The following TRA2A variants were observed in gnomAD, a reference collection of about 807,000 sequenced individuals.
TRA2A encodes transformer-2 protein homolog alpha.
A neutral mutation model predicts 45.7 loss-of-function variants in TRA2A; 31 were observed. The observed-to-expected ratio is 0.68, with a 90% CI of 0.51 to 0.92. TRA2A has a LOEUF of 0.92. Among genes scored for constraint, TRA2A ranks in the 40% least tolerant of loss-of-function variants. The probability of loss-of-function intolerance (pLI) is 0.00; values close to 1 mark genes in which losing one functional copy is unlikely to be tolerated. For synonymous variants in TRA2A, 132 were observed against 126.2 expected, an observed-to-expected ratio of 1.05 and a Z score of -0.31; for missense variants, 304 against 367.5, an observed-to-expected ratio of 0.83 and a Z score of 1.41.
Position 23,505,362 on chromosome 7 carries a change from C to A in TRA2A, c.*197G>T. 2.4e-6 allele frequency: 1 copy of A among 424,460 alleles called. No individual in the cohort carries two copies. The allele number at this position is 424,460 out of a possible 1,614,324, so 26.3% of individuals were successfully genotyped here. A position where few individuals can be genotyped will look rare whatever the true frequency, so the allele number is the denominator to read the frequency against. ...CAAGATGTTTAACTGTTCAAAATGA[C>A]AACAATTACATCTTTTAAGAGTATA... is the stretch of plus-strand genomic sequence containing the variant. On this transcript the variant is annotated 3_prime_UTR_variant, in exon 8 of 8. Coordinates refer to ENST00000297071, the MANE Select transcript of TRA2A (RefSeq NM_013293.5).
chr7:23,531,937 A>G lies in TRA2A; in HGVS notation c.-113T>C, dbSNP rs1350427697. On this transcript the variant is annotated 5_prime_UTR_variant, in exon 1 of 8. Coordinates refer to ENST00000297071, the MANE Select transcript of TRA2A (RefSeq NM_013293.5). ...GGAAGAGGAAAGAGTCGGCAACCAC[A>G]GCCGCTCCACTCCACTCCCACTCGG... 9 of 1,207,548 alleles carry G rather than the reference A, an allele frequency of 7.5e-6. No homozygotes were observed. Among genetic ancestry groups the G allele is most frequent in the Non-Finnish European group, 1.1e-5 (9 of 837,120 alleles). The allele number at this position is 1,207,548 out of a possible 1,614,324, so 74.8% of individuals were successfully genotyped here.
chr7:23,520,259 ATT>A (rs757916244), intron 2 of TRA2A, among the ~76,000 whole-genome samples: 52 of 152,230 alleles, frequency 3.4e-4, no homozygotes, highest in Admixed American at 2.6e-3. Flanking sequence ...AGGAGTCTCT[ATT>A]TTTTTTAAAT....
intron 1 of TRA2A, among the ~76,000 whole-genome samples, chr7:23,528,120 G>A (rs943145823): frequency 4.6e-5 from 7 of 152,200 alleles, no homozygotes; most frequent in East Asian, 1.9e-4. Context: ...TGCTAAAGAC[G>A]CTGAATAAGC....
intron 1 of TRA2A, among the ~76,000 whole-genome samples, chr7:23,524,260 T>C (rs1279816255): frequency 6.6e-6 from 1 of 152,176 alleles, no homozygotes; most frequent in Non-Finnish European, 1.5e-5. Context: ...CTAGGCTCAC[T>C]GCAACCTCCA....
At chr7:23,527,847 T>C (rs958698511) in intron 1 of TRA2A, among the ~76,000 whole-genome samples, 2 of 152,186 alleles carry the variant, frequency 1.3e-5, no homozygotes, top group African/African-American at 2.4e-5. Context: ...CCTCTACTTA[T>C]ATTGAGCAGA....
intron 1 of TRA2A, chr7:23,522,059 C>G (rs938223427): frequency 1.5e-6 from 2 of 1,379,020 alleles, no homozygotes; most frequent in Non-Finnish European, 1.9e-6. Context: ...TCTCTATTAA[C>G]TAAGTAATCA....
At chr7:23,525,376 C>T (rs969376382) in intron 1 of TRA2A, among the ~76,000 whole-genome samples, 6 of 152,206 alleles carry the variant, frequency 3.9e-5, no homozygotes, top group Non-Finnish European at 8.8e-5. Context: ...GTTCTTAAAG[C>T]TGTCCAGTCA....
chr7:23,529,001 C>T (rs1790455306), intron 1 of TRA2A, among the ~76,000 whole-genome samples: 1 of 152,192 alleles, frequency 6.6e-6, no homozygotes, highest in Non-Finnish European at 1.5e-5. Context: ...CCATGATCAA[C>T]ACTGGGATGC....
In TRA2A at chr7:23,512,608, G is replaced by A. The variant is rs927870106; in HGVS notation, c.525+286C>T. On this transcript the variant is annotated intron_variant, in intron 4 of 7. Coordinates refer to ENST00000297071, the MANE Select transcript of TRA2A (RefSeq NM_013293.5). ...CGAGTAGCTGGGACTACAAGCGCCGGCCACCACGCCTGGCTAATTGTTTGT... is the reference window on the plus strand; with the variant it reads ...CGAGTAGCTGGGACTACAAGCGCCGACCACCACGCCTGGCTAATTGTTTGT... Among the ~76,000 whole-genome samples, 4 of 152,126 alleles carry A rather than the reference G, an allele frequency of 2.6e-5. No homozygotes were observed. The East Asian group carries it at 5.8e-4, about 22-fold the overall frequency.
At chr7:23,511,396 A>AAAAAAAAAAAAAAAG (rs1325960089) in intron 4 of TRA2A, among the ~76,000 whole-genome samples, 18 of 31,012 alleles carry the variant, frequency 5.8e-4, no homozygotes, top group Non-Finnish European at 9.4e-4. Context: ...AAAAAAAAAA[A>AAAAAAAAAAAAAAAG]AAAAAAAAAA....
At chr7:23,515,204 G>C (rs1007277395) in intron 3 of TRA2A, among the ~76,000 whole-genome samples, 3 of 146,134 alleles carry the variant, frequency 2.1e-5, no homozygotes, top group Admixed American at 6.8e-5. Flanking sequence ...CTTTTCACTT[G>C]AATTCGTGGA....
At position 23,505,566 on chromosome 7, in the gene TRA2A, C is replaced by T. The variant is rs1162162769; in HGVS notation, c.842G>A (p.Arg281His). 5 of 429,722 alleles carry T rather than the reference C, an allele frequency of 1.2e-5. No individual in the cohort carries two copies. The highest frequency in any genetic ancestry group is 3.7e-5 in the East Asian group (1 of 26,752). 26.6% of individuals were successfully genotyped at this position (429,722 alleles called of 1,614,324 possible). A position where few individuals can be genotyped will look rare whatever the true frequency, so the allele number is the denominator to read the frequency against. Residue 281 changes from arginine (R) to histidine (H), a missense_variant, in exon 8 of 8, where the codon CGC (arginine) becomes CAC (histidine). By Grantham distance (29) the Arg-to-His change is conservative. Coordinates refer to ENST00000297071, the MANE Select transcript of TRA2A (RefSeq NM_013293.5). ...RSRSRSYSPR[R>H]Y Reference sequence around the variant, plus strand: ...ATTGCAACCATTCCGTTATCAATAGCGTCCTAAAAGAGAAAAAGCAAAAAA... The same window carrying T: ...ATTGCAACCATTCCGTTATCAATAGTGTCCTAAAAGAGAAAAAGCAAAAAA...
intron 1 of TRA2A, among the ~76,000 whole-genome samples, chr7:23,524,954 C>T (rs1234380265): frequency 2.6e-5 from 4 of 151,390 alleles, no homozygotes; most frequent in Non-Finnish European, 2.9e-5. Context: ...CCTCCCAAAG[C>T]GCTGGGATTA....
chr7:23,523,303 G>T (rs1421926072), intron 1 of TRA2A, among the ~76,000 whole-genome samples: 1 of 151,886 alleles, frequency 6.6e-6, no homozygotes, highest in African/African-American at 2.4e-5. Context: ...GAAAAAATTG[G>T]GTGTAAATCA....
chr7:23,514,386 T>C (rs1562791473), intron 3 of TRA2A, among the ~76,000 whole-genome samples: 1 of 152,180 alleles, frequency 6.6e-6, no homozygotes, highest in African/African-American at 2.4e-5. Flanking sequence ...AGAGAAATTA[T>C]TATCTATTTC....
chr7:23,512,067 TA>T (rs1327783002), intron 4 of TRA2A, among the ~76,000 whole-genome samples: 1 of 152,198 alleles, frequency 6.6e-6, no homozygotes, highest in Non-Finnish European at 1.5e-5. Context: ...TCCATTAATT[TA>T]AACACATATA....
At chr7:23,525,152 G>A (rs947379965) in intron 1 of TRA2A, among the ~76,000 whole-genome samples, 19 of 152,320 alleles carry the variant, frequency 1.2e-4, no homozygotes, top group African/African-American at 4.6e-4. Flanking sequence ...ACTGAACTCT[G>A]CATTAGGAAT....
chr7:23,505,511 A>C lies in TRA2A; in HGVS notation c.*48T>G. On this transcript the variant is annotated 3_prime_UTR_variant, in exon 8 of 8. Transcript: ENST00000297071. ...GGAAATCTCAGAATTAAAAAAAAAAAAAAAAAAAAGAGGAAAAAAAATGTC... is the reference window on the plus strand; with the variant it reads ...GGAAATCTCAGAATTAAAAAAAAAACAAAAAAAAAGAGGAAAAAAAATGTC... The C allele has an allele frequency of 1.9e-6, 1 of 537,672 alleles. No homozygotes were observed. Among genetic ancestry groups the C allele is most frequent in the Non-Finnish European group, 3.3e-6 (1 of 298,608 alleles). 33.3% of individuals were successfully genotyped at this position (537,672 alleles called of 1,614,324 possible).
chr7:23,525,734 G>C (rs529174985), intron 1 of TRA2A, among the ~76,000 whole-genome samples: 4 of 152,146 alleles, frequency 2.6e-5, no homozygotes, highest in Non-Finnish European at 4.4e-5. Context: ...TGGGATTACA[G>C]GCACCCGCCA....
Sources: gnomAD v4.1 joint callset for allele counts (sites outside exome capture counted in the v4.1 genomes callset) on GRCh38, gnomAD v4.1.1 for gene constraint, MANE v1.5 for transcripts, NCBI Gene and HGNC (gene_info 2026-07-23, HGNC 2026-07-21) for gene names.